FHIP2A: variants seen among roughly 807,000 people sequenced by gnomAD.
The protein encoded by FHIP2A is FHF complex subunit HOOK interacting protein 2A, also known as family with sequence similarity 160 member B1.
In FHIP2A, 46 loss-of-function variants were observed where a neutral mutation model predicts 93.5. The ratio of observed to expected loss-of-function variants is 0.49; its 90% CI spans 0.39 to 0.63. FHIP2A has a LOEUF of 0.63. Among genes scored for constraint, FHIP2A ranks in the 20% least tolerant of loss-of-function variants. The pLI is 0.00. For synonymous variants in FHIP2A, 332 were observed against 326.5 expected, an observed-to-expected ratio of 1.02 and a Z score of -0.18; for missense variants, 769 against 909.7, an observed-to-expected ratio of 0.85 and a Z score of 1.99.
chr10:114,852,614 T>G (rs1224880409), intron 13 of FHIP2A, among the ~76,000 whole-genome samples: 1 of 152,222 alleles, frequency 6.6e-6, no homozygotes, highest in Non-Finnish European at 1.5e-5. Flanking sequence ...AATCCTAGTT[T>G]ACATCTTTAT....
chr10:114,827,108 G>C (rs1049144597), intron 1 of FHIP2A, among the ~76,000 whole-genome samples: 4 of 152,210 alleles, frequency 2.6e-5, no homozygotes, highest in Admixed American at 2.0e-4. Flanking sequence ...AGATACTTTT[G>C]TGTGATGGGT....
rs1376012276 is a variant in FHIP2A, at chr10:114,830,844, T to G, written c.46-8T>G. ...TTTCTTAATTGTTGTGGTCTTTTGT[T>G]TGTGTAGCTTGCACCTTCTCTTCCT... On this transcript the variant is annotated splice_region_variant and splice_polypyrimidine_tract_variant and intron_variant, in intron 1 of 16. Coordinates refer to ENST00000369248, the MANE Select transcript of FHIP2A (RefSeq NM_020940.4). The G allele has an allele frequency of 6.3e-7, 1 of 1,594,092 alleles. No individual in the cohort carries two copies. The highest frequency in any genetic ancestry group is 8.6e-7 in the Non-Finnish European group (1 of 1,169,460).
chr10:114,841,313 G>A (rs968554780), intron 5 of FHIP2A, among the ~76,000 whole-genome samples: 2 of 95,230 alleles, frequency 2.1e-5, no homozygotes, highest in Non-Finnish European at 4.5e-5. Flanking sequence ...TTTTTTTTGA[G>A]GTGGAGTCTT....
At position 114,864,708 on chromosome 10, in the gene FHIP2A, TTAAAC is replaced by T. The variant is rs746636938; in HGVS notation, c.*3169_*3173del. ...TGATCTAAAAAATAAATAATGTAAT[TTAAAC>T]AAAACGTCTTATGTTTTTGTAAAAT... is the stretch of plus-strand genomic sequence containing the variant. On this transcript the variant is annotated 3_prime_UTR_variant, in exon 17 of 17. Coordinates refer to ENST00000369248, the MANE Select transcript of FHIP2A (RefSeq NM_020940.4). 2.0e-6 allele frequency: 2 copies of T among 983,040 alleles called. No homozygotes were observed. The highest frequency in any genetic ancestry group is 2.4e-6 in the Non-Finnish European group (2 of 827,748). 60.9% of individuals were successfully genotyped at this position (983,040 alleles called of 1,614,324 possible).
Position 114,863,833 on chromosome 10 carries a change from C to G in FHIP2A, c.*2293C>G. The G allele has an allele frequency of 9.6e-7, 1 of 1,046,282 alleles. No homozygotes were observed. The highest frequency in any genetic ancestry group is 1.2e-6 in the Non-Finnish European group (1 of 858,966). 64.8% of individuals were successfully genotyped at this position (1,046,282 alleles called of 1,614,324 possible). On this transcript the variant is annotated 3_prime_UTR_variant, in exon 17 of 17. Transcript: ENST00000369248. ...AAGCACCGTCATAACAATTGATTGC[C>G]ATAGCAAGTTCCAAAGTGAATTTCA...
chr10:114,881,705 C>T (rs544733576), intron 16 of FHIP2A, among the ~76,000 whole-genome samples: 5 of 97,976 alleles, frequency 5.1e-5, no homozygotes, highest in East Asian at 2.8e-4. Flanking sequence ...CCTGATCACC[C>T]GCAGAGCCTC....
At chr10:114,866,846 A>G (rs1469638064), downstream of FHIP2A, among the ~76,000 whole-genome samples, 1 of 152,212 alleles carries the variant, frequency 6.6e-6, no homozygotes, top group Non-Finnish European at 1.5e-5. Context: ...AGTATGTTAT[A>G]TATGTATTAT....
At chr10:114,896,738 T>A (rs572438646) in intron 16 of FHIP2A, among the ~76,000 whole-genome samples, 5 of 152,330 alleles carry the variant, frequency 3.3e-5, no homozygotes, top group Non-Finnish European at 7.3e-5. Context: ...CTAAAATGTA[T>A]AAAACCAAGC....
chr10:114,893,825 CATA>C (rs1236428049), intron 16 of FHIP2A, among the ~76,000 whole-genome samples: 2 of 151,876 alleles, frequency 1.3e-5, no homozygotes, highest in African/African-American at 4.8e-5. Context: ...TCAAAGACCA[CATA>C]ATGACAAGAA....
chr10:114,888,268 GC>G (rs2143015824), intron 16 of FHIP2A, among the ~76,000 whole-genome samples: 1 of 152,312 alleles, frequency 6.6e-6, no homozygotes, highest in East Asian at 1.9e-4. Flanking sequence ...TTCCTGTGGG[GC>G]CCCTGACTGT....
intron 16 of FHIP2A, among the ~76,000 whole-genome samples, chr10:114,884,795 T>C (rs2083933861): frequency 6.6e-6 from 1 of 151,640 alleles, no homozygotes; most frequent in Admixed American, 6.6e-5. Flanking sequence ...GTGCCTATTG[T>C]CCCAGGTACT....
intron 5 of FHIP2A, among the ~76,000 whole-genome samples, chr10:114,840,114 C>T (rs1204452488): frequency 6.6e-6 from 1 of 151,972 alleles, no homozygotes; most frequent in Non-Finnish European, 1.5e-5. Context: ...TGAGGCTGGG[C>T]GCGGTGATTC....
At position 114,895,531 on chromosome 10, in the gene FHIP2A, C is replaced by T. The variant is rs190201154; in HGVS notation, c.2193-3959C>T. 2.0e-5 allele frequency among the ~76,000 whole-genome samples: 3 copies of T among 152,230 alleles called. No homozygotes were observed. In the East Asian group the frequency reaches 5.8e-4, roughly 29 times the overall value. ...GTCTGTACAATCCTTAATAACGATA[C>T]CTTAGCTTTGTATAATCTGCTGGAG... On this transcript the variant is annotated intron_variant, in intron 16 of 16. Transcript: ENST00000369250.
chr10:114,852,796 G>A (rs537828270), intron 13 of FHIP2A, among the ~76,000 whole-genome samples: 36 of 152,146 alleles, frequency 2.4e-4, no homozygotes, highest in South Asian at 6.2e-4. Flanking sequence ...AGATCCTTTC[G>A]GATCAATTTT....
At chr10:114,829,820 A>G (rs751060193) in intron 1 of FHIP2A, among the ~76,000 whole-genome samples, 11 of 152,188 alleles carry the variant, frequency 7.2e-5, no homozygotes, top group Non-Finnish European at 1.3e-4. Flanking sequence ...AGTGTATGCA[A>G]ATCTTTTTCT....
intron 16 of FHIP2A, among the ~76,000 whole-genome samples, chr10:114,872,049 T>G (rs2083862652): frequency 6.6e-6 from 1 of 152,246 alleles, no homozygotes; most frequent in Non-Finnish European, 1.5e-5. Flanking sequence ...TATTTTATCT[T>G]CCTTTGAAAC....
intron 3 of FHIP2A, among the ~76,000 whole-genome samples, chr10:114,833,867 T>C (rs1592014940): frequency 6.6e-6 from 1 of 152,214 alleles, no homozygotes; most frequent in African/African-American, 2.4e-5. Context: ...ATATCAATAA[T>C]ATTTTATATT....
At chr10:114,831,241 T>C (rs1663330402) in intron 2 of FHIP2A, among the ~76,000 whole-genome samples, 1 of 152,162 alleles carries the variant, frequency 6.6e-6, no homozygotes, top group Non-Finnish European at 1.5e-5. Flanking sequence ...ATGTATAGTG[T>C]GTCAGATGAT....
rs527685057 is a variant in FHIP2A, at chr10:114,875,948, A to G, written c.2192+14614A>G. 2.6e-4 allele frequency among the ~76,000 whole-genome samples: 39 copies of G among 151,666 alleles called. No individual in the cohort carries two copies. In the South Asian group the frequency reaches 3.8e-3, roughly 15 times the overall value. Reference sequence around the variant, plus strand: ...AGAAAGAAAGAGAAAGAAAAAGAACAGAAAGAAAGGAAAGAAGGTAGGAAG... The same window carrying G: ...AGAAAGAAAGAGAAAGAAAAAGAACGGAAAGAAAGGAAAGAAGGTAGGAAG... On this transcript the variant is annotated intron_variant, in intron 16 of 16. Coordinates refer to the FHIP2A transcript ENST00000369250.
Sources: gnomAD v4.1 joint callset for allele counts (sites outside exome capture counted in the v4.1 genomes callset) on GRCh38, gnomAD v4.1.1 for gene constraint, MANE v1.5 for transcripts, NCBI Gene and HGNC (gene_info 2026-07-23, HGNC 2026-07-21) for gene names.